The following RPS6KC1 variants were observed in gnomAD, a reference collection of about 807,000 sequenced individuals.
The protein encoded by RPS6KC1 is ribosomal protein S6 kinase C1, also known as inactive ribosomal protein S6 kinase delta-1.
RPS6KC1 carries 54 observed loss-of-function variants against 103.8 expected under a neutral mutation model. The observed-to-expected ratio is 0.52, with a 90% CI of 0.42 to 0.65. The LOEUF (loss-of-function observed/expected upper bound fraction) is 0.65. Ranked by LOEUF, RPS6KC1 falls within the 30% of genes least tolerant of loss-of-function variation. RPS6KC1 has a pLI of 0.00. For missense variants in RPS6KC1, 1,151 were observed against 1,253.8 expected (o/e 0.92, Z 1.24); for synonymous variants, 439 against 438.7 (o/e 1.00, Z -0.01).
the RPS6KC1 span, among the ~76,000 whole-genome samples, chr1:213,433,437 T>C: frequency 1.5e-3 from 235 of 152,340 alleles, 1 homozygote; most frequent in African/African-American, 5.3e-3. Context: ...ATTTGGAAGA[T>C]TGGTGTTGAT....
chr1:213,284,705 A>T, the RPS6KC1 span, among the ~76,000 whole-genome samples: 1 of 152,144 alleles, frequency 6.6e-6, no homozygotes, highest in South Asian at 2.1e-4. Flanking sequence ...GAACTAATAA[A>T]AACTAATTCA....
the RPS6KC1 span, among the ~76,000 whole-genome samples, chr1:213,827,865 G>A: frequency 1.3e-5 from 2 of 151,962 alleles, no homozygotes; most frequent in Admixed American, 1.3e-4. Context: ...TTTAACTTCG[G>A]CTAATAATCT....
the RPS6KC1 span, among the ~76,000 whole-genome samples, chr1:213,477,939 G>A: frequency 6.6e-6 from 1 of 152,032 alleles, no homozygotes; most frequent in Admixed American, 6.5e-5. Context: ...TATTCTATGG[G>A]TTTGGACAAA....
chr1:213,170,062 C>T (rs2091353449), intron 7 of RPS6KC1, among the ~76,000 whole-genome samples: 1 of 152,152 alleles, frequency 6.6e-6, no homozygotes, highest in Non-Finnish European at 1.5e-5. Flanking sequence ...TGATTACAGG[C>T]ATGAGTCACC....
the RPS6KC1 span, among the ~76,000 whole-genome samples, chr1:213,513,079 A>G: frequency 4.4e-4 from 67 of 152,308 alleles, no homozygotes; most frequent in African/African-American, 1.4e-3. Flanking sequence ...GGTGTGCCCA[A>G]TGCCATCACA....
the RPS6KC1 span, among the ~76,000 whole-genome samples, chr1:213,403,955 C>T: frequency 6.6e-6 from 1 of 152,154 alleles, no homozygotes; most frequent in Admixed American, 6.5e-5. Context: ...TGAGGCAGAG[C>T]TTGCCATAGG....
At chr1:213,200,870 C>T (rs2093137432) in intron 8 of RPS6KC1, among the ~76,000 whole-genome samples, 1 of 152,098 alleles carries the variant, frequency 6.6e-6, no homozygotes, top group Admixed American at 6.6e-5. Flanking sequence ...TATGCAGGAA[C>T]AGGAGACCAC....
At chr1:213,082,169 C>T (rs1411907042) in intron 3 of RPS6KC1, among the ~76,000 whole-genome samples, 2 of 151,932 alleles carry the variant, frequency 1.3e-5, no homozygotes, top group Non-Finnish European at 2.9e-5. Flanking sequence ...GCCTGTAATC[C>T]CAGCACTTTG....
At chr1:213,515,421 G>A in the RPS6KC1 span, among the ~76,000 whole-genome samples, 4 of 152,156 alleles carry the variant, frequency 2.6e-5, no homozygotes, top group African/African-American at 9.7e-5. Flanking sequence ...GTATAAGGAA[G>A]GGATCCAGTT....
At chr1:213,451,158 G>A in the RPS6KC1 span, among the ~76,000 whole-genome samples, 6 of 152,260 alleles carry the variant, frequency 3.9e-5, no homozygotes, top group East Asian at 1.9e-4. Flanking sequence ...TTCAGAATCC[G>A]TAAGGGAGGA....
intron 4 of RPS6KC1, 27 bp downstream of exon 4, chr1:213,104,596 A>C: frequency 8.0e-7 from 1 of 1,245,222 alleles, no homozygotes; most frequent in Non-Finnish European, 1.1e-6. Context: ...GGAATATTTT[A>C]TATCTTATTA....
At chr1:213,418,343 G>A in the RPS6KC1 span, among the ~76,000 whole-genome samples, 2 of 152,104 alleles carry the variant, frequency 1.3e-5, no homozygotes, top group Admixed American at 6.5e-5. Context: ...TATTGATGAT[G>A]GTGACTTGAT....
the RPS6KC1 span, among the ~76,000 whole-genome samples, chr1:213,297,473 C>T: frequency 2.6e-5 from 4 of 152,170 alleles, no homozygotes; most frequent in Non-Finnish European, 4.4e-5. Context: ...TGGAAACAGT[C>T]TCTTTACCTT....
chr1:213,724,532 T>C, the RPS6KC1 span, among the ~76,000 whole-genome samples: 3 of 152,086 alleles, frequency 2.0e-5, no homozygotes, highest in African/African-American at 7.2e-5. Context: ...ACAAGGGCCA[T>C]GGTGGAGAAA....
At chr1:213,515,104 A>T in the RPS6KC1 span, among the ~76,000 whole-genome samples, 1 of 149,662 alleles carries the variant, frequency 6.7e-6, no homozygotes, top group Non-Finnish European at 1.5e-5. Context: ...AATTTGTTTG[A>T]GTTCATTGTA....
At chr1:213,064,676 C>CTTTTTT (rs34472724) in intron 1 of RPS6KC1, among the ~76,000 whole-genome samples, 2 of 104,876 alleles carry the variant, frequency 1.9e-5, no homozygotes, top group Non-Finnish European at 1.8e-5. Flanking sequence ...CCTTTGTGAA[C>CTTTTTT]TTTTTTTTTT....
the RPS6KC1 span, among the ~76,000 whole-genome samples, chr1:213,356,586 G>A: frequency 6.6e-6 from 1 of 152,184 alleles, no homozygotes; most frequent in South Asian, 2.1e-4. Flanking sequence ...AACCTGAGAG[G>A]TGGAGGTTGC....
the RPS6KC1 span, among the ~76,000 whole-genome samples, chr1:213,493,517 C>T: frequency 6.6e-6 from 1 of 152,198 alleles, no homozygotes; most frequent in Non-Finnish European, 1.5e-5. Context: ...CAGAAAAAGA[C>T]AGACATTGTC....
chr1:213,253,470 C>A (rs1250499775), intron 12 of RPS6KC1, among the ~76,000 whole-genome samples: 1 of 152,146 alleles, frequency 6.6e-6, no homozygotes, highest in Non-Finnish European at 1.5e-5. Flanking sequence ...GCTTAAAATG[C>A]AAGATGGTTC....
Sources: gnomAD v4.1 joint callset for allele counts (sites outside exome capture counted in the v4.1 genomes callset) on GRCh38, gnomAD v4.1.1 for gene constraint, MANE v1.5 for transcripts, NCBI Gene and HGNC (gene_info 2026-07-23, HGNC 2026-07-21) for gene names.